The following HPCAL1 variants were observed in gnomAD, a reference collection of about 807,000 sequenced individuals.
HPCAL1 encodes hippocalcin-like protein 1.
A neutral mutation model predicts 17.1 loss-of-function variants in HPCAL1; 8 were observed. That is an observed-to-expected ratio of 0.47 (90% CI 0.27 to 0.84). The LOEUF (loss-of-function observed/expected upper bound fraction) is 0.84, where lower values mean the gene tolerates loss of function less well. Among genes scored for constraint, HPCAL1 ranks in the 40% least tolerant of loss-of-function variants. The pLI is 0.13. For synonymous variants in HPCAL1, 112 were observed against 111.4 expected (o/e 1.01, Z -0.03); for missense variants, 165 against 271.1 (o/e 0.61, Z 2.75).
rs1667650843 is a variant in HPCAL1, at chr2:10,377,556, G to C, written c.-110-19279G>C. On this transcript the variant is annotated intron_variant, in intron 1 of 4. Coordinates refer to ENST00000307845, the MANE Select transcript of HPCAL1 (RefSeq NM_002149.4). This position sits in a 1 kb window ranked among gnomAD's most constrained non-coding sequence, Gnocchi z 5.9. ...CGCACACACTCTTCCACCCTCTGTC[G>C]GCAGGGCCCCTGCCACCTCTGAAGC... Among the ~76,000 whole-genome samples the C allele has an allele frequency of 6.6e-6, 1 of 151,730 alleles. No individual in the cohort carries two copies. The highest frequency in any genetic ancestry group is 2.4e-5 in the African/African-American group (1 of 41,266).
At chr2:10,318,124 G>A (rs962064658) in intron 1 of HPCAL1, among the ~76,000 whole-genome samples, 12 of 152,144 alleles carry the variant, frequency 7.9e-5, no homozygotes, top group Non-Finnish European at 2.9e-5. Flanking sequence ...CATTTCTAAA[G>A]GCAGTCAACT....
Position 10,420,150 on chromosome 2 carries a change from G to A in HPCAL1, c.378+15G>A, listed in dbSNP as rs1670952271. ...AGATCGTGCAGGTACCGGCGCCCGA[G>A]GCCCCGGGTCTCACCGCGGGCCCAG... On this transcript the variant is annotated intron_variant, in intron 3 of 4. Coordinates refer to ENST00000307845, the MANE Select transcript of HPCAL1 (RefSeq NM_002149.4). 6.3e-7 allele frequency: 1 copy of A among 1,595,446 alleles called. No homozygotes were observed. The highest frequency in any genetic ancestry group is 8.6e-7 in the Non-Finnish European group (1 of 1,168,716).
chr2:10,369,493 A>C (rs1438229387), intron 1 of HPCAL1, among the ~76,000 whole-genome samples: 3 of 152,160 alleles, frequency 2.0e-5, no homozygotes, highest in African/African-American at 7.2e-5. Flanking sequence ...GGATGTTGAC[A>C]CTTGGTGGGG....
Position 10,323,183 on chromosome 2 carries a change from G to T in HPCAL1, c.-111+20006G>T, listed in dbSNP as rs1028555616. On this transcript the variant is annotated intron_variant, in intron 1 of 4. Transcript: ENST00000307845. The surrounding 1 kb of genome is among the most constrained non-coding windows in gnomAD (Gnocchi z 4.6). ...CTGGCTCCCCCGGTTCCCCAGACGCGTTCCCCACGGAGTCCCAGCGTGTAT... is the reference window on the plus strand; with the variant it reads ...CTGGCTCCCCCGGTTCCCCAGACGCTTTCCCCACGGAGTCCCAGCGTGTAT... Among the ~76,000 whole-genome samples, 1 of 152,168 alleles carries T rather than the reference G, an allele frequency of 6.6e-6. No individual in the cohort carries two copies. The highest frequency in any genetic ancestry group is 1.5e-5 in the Non-Finnish European group (1 of 68,032).
intron 2 of HPCAL1, among the ~76,000 whole-genome samples, chr2:10,409,798 T>C (rs1271158472): frequency 8.1e-6 from 1 of 122,852 alleles, no homozygotes; most frequent in East Asian, 2.3e-4. Context: ...TTTTTTTTTT[T>C]TTTTTTTTTG....
intron 1 of HPCAL1, among the ~76,000 whole-genome samples, chr2:10,385,978 G>A (rs1668285798): frequency 6.6e-6 from 1 of 152,158 alleles, no homozygotes; most frequent in African/African-American, 2.4e-5. Flanking sequence ...CACTGAGCAT[G>A]TGCTGGCCTT....
At chr2:10,424,524 G>C (rs973200506) in intron 4 of HPCAL1, 22 of 470,942 alleles carry the variant, frequency 4.7e-5, no homozygotes, top group Non-Finnish European at 9.2e-5. Flanking sequence ...CAACTTCACA[G>C]TGTCCCTGGG....
At chr2:10,402,115 G>T (rs1355379096) in intron 2 of HPCAL1, among the ~76,000 whole-genome samples, 1 of 152,112 alleles carries the variant, frequency 6.6e-6, no homozygotes, top group Non-Finnish European at 1.5e-5. Flanking sequence ...GGCCAGGCTG[G>T]TCTTGAACTC....
chr2:10,328,879 T>A (rs937768016), intron 1 of HPCAL1, among the ~76,000 whole-genome samples: 17 of 152,116 alleles, frequency 1.1e-4, no homozygotes, highest in Non-Finnish European at 2.5e-4. Context: ...AGAATACAGG[T>A]TCCTGCTGAC....
chr2:10,376,580 C>A, intron 1 of HPCAL1, among the ~76,000 whole-genome samples: 1 of 151,978 alleles, frequency 6.6e-6, no homozygotes, highest in East Asian at 1.9e-4. Context: ...GGATTACAGG[C>A]GTGCATCACC....
At chr2:10,306,192 A>G (rs1173190199) in intron 1 of HPCAL1, among the ~76,000 whole-genome samples, 2 of 152,204 alleles carry the variant, frequency 1.3e-5, no homozygotes, top group Non-Finnish European at 2.9e-5. Flanking sequence ...TTAGGTTTGT[A>G]TTAAAATTTT....
intron 2 of HPCAL1, among the ~76,000 whole-genome samples, chr2:10,413,913 A>G (rs1002621469): frequency 2.0e-5 from 3 of 152,224 alleles, no homozygotes; most frequent in African/African-American, 7.2e-5. Context: ...ATAATGAAAA[A>G]TGCAGGGGTG....
intron 1 of HPCAL1, among the ~76,000 whole-genome samples, chr2:10,376,841 G>A (rs558781713): frequency 1.5e-5 from 2 of 134,778 alleles, no homozygotes; most frequent in African/African-American, 3.2e-5. Flanking sequence ...AATACATACC[G>A]TATTGTATTG....
chr2:10,390,250 CT>C lies in HPCAL1; in HGVS notation c.-110-6584del, dbSNP rs148277362. On this transcript the variant is annotated intron_variant, in intron 1 of 4. Transcript: ENST00000307845. ...GACATCTTGGCTTCCACCCTGTGCT[CT>C]GTGTCTGGTCTCAGACCACAGCCCA... Among the ~76,000 whole-genome samples, 1,249 of 152,324 alleles carry C rather than the reference CT, an allele frequency of 8.2e-3. 16 individuals are homozygous for C. Among genetic ancestry groups the C allele is most frequent in the African/African-American group, 0.028 (1,157 of 41,570 alleles).
rs1666619550 is a variant in HPCAL1 at position 10,363,056 on chromosome 2, G to A, written c.-110-33779G>A. On this transcript the variant is annotated intron_variant, in intron 1 of 4. Transcript: ENST00000307845. This position sits in a 1 kb window ranked among gnomAD's most constrained non-coding sequence, Gnocchi z 4.7. The stretch of plus-strand genomic sequence containing the variant: ...GGATTACTTGAGCCTAGGAGGTTGA[G>A]GCTGCAGTGAACCATGATCATACCA... 6.6e-6 allele frequency among the ~76,000 whole-genome samples: 1 copy of A among 152,184 alleles called. No homozygotes were observed. The highest frequency in any genetic ancestry group is 6.5e-5 in the Admixed American group (1 of 15,286).
At chr2:10,403,529 G>T (rs1325148219) in intron 2 of HPCAL1, among the ~76,000 whole-genome samples, 3 of 151,430 alleles carry the variant, frequency 2.0e-5, no homozygotes, top group Admixed American at 2.0e-4. Context: ...TGTCACCCAG[G>T]CTGGAGTGCA....
At chr2:10,346,014 T>C (rs113512457) in intron 1 of HPCAL1, among the ~76,000 whole-genome samples, 11,556 of 152,016 alleles carry the variant, frequency 0.076, 1,329 homozygotes, top group African/African-American at 0.24. Context: ...AGTGTGTGGG[T>C]GTGTCTGAGT....
chr2:10,408,762 C>A (rs573021091), intron 2 of HPCAL1: 1 of 152,344 alleles, frequency 6.6e-6, no homozygotes, highest in South Asian at 2.1e-4. Context: ...ACGCCATGAT[C>A]TTTCACTCAA....
chr2:10,383,135 A>T (rs1030044566), intron 1 of HPCAL1, among the ~76,000 whole-genome samples: 1 of 152,202 alleles, frequency 6.6e-6, no homozygotes, highest in Admixed American at 6.5e-5. Flanking sequence ...CACTTTGGGA[A>T]GCTGAGGCAG....
Sources: allele counts gnomAD v4.1 joint callset (sites outside exome capture counted in the v4.1 genomes callset), GRCh38; gene constraint gnomAD v4.1.1; non-coding constraint Gnocchi (gnomAD v3.1); transcripts MANE v1.5; gene names NCBI Gene and HGNC (gene_info 2026-07-23, HGNC 2026-07-21).